MUC5AC: variants seen among roughly 807,000 people sequenced by gnomAD.
MUC5AC encodes mucin-5AC.
Under a neutral mutation model 169.7 loss-of-function variants are expected in MUC5AC, and 158 were observed. The observed-to-expected ratio is 0.93, with a 90% CI of 0.82 to 1.06. MUC5AC has a LOEUF of 1.06. MUC5AC is among the 50% of genes least tolerant of loss of function. The pLI is 0.00. For synonymous variants in MUC5AC, 1,975 were observed against 1,237.0 expected (o/e 1.60, Z -12.52); for missense variants, 4,359 against 3,089.9 (o/e 1.41, Z -9.74).
At chr11:1,194,716 G>GGGGGTGCCGGGCA (rs1373939508) in intron 35 of MUC5AC, 46 bp downstream of exon 35, 1 of 709,622 alleles carries the variant, frequency 1.4e-6, no homozygotes, top group Non-Finnish European at 2.6e-6. Flanking sequence ...TCGCGGGGGC[G>GGGGGTGCCGGGCA]GGGGTGCCGG....
chr11:1,177,448 A>G lies in MUC5AC; in HGVS notation c.2908-6A>G. 1 of 399,528 alleles carries G rather than the reference A, an allele frequency of 2.5e-6. No individual in the cohort carries two copies. The highest frequency in any genetic ancestry group is 3.6e-5 in the East Asian group (1 of 28,090). 24.7% of individuals were successfully genotyped at this position (399,528 alleles called of 1,614,324 possible). A position where few individuals can be genotyped will look rare whatever the true frequency, so the allele number is the denominator to read the frequency against. On this transcript the variant is annotated splice_region_variant and splice_polypyrimidine_tract_variant and intron_variant, in intron 23 of 48. Transcript: ENST00000621226. ...TGGGGGCCCTGAGTGACCCCTTGCC[A>G]TGCAGGGCTTCGAGCTGAAGCTAAG...
At position 1,191,553 on chromosome 11, in the gene MUC5AC, A is replaced by C. The variant is rs1861097311; in HGVS notation, c.13408A>C (p.Ile4470Leu). 9.3e-6 allele frequency: 6 copies of C among 645,028 alleles called. No individual in the cohort carries two copies. Among genetic ancestry groups the C allele is most frequent in the Non-Finnish European group, 1.7e-5 (6 of 353,120 alleles). The allele number at this position is 645,028 out of a possible 1,614,324, so 40.0% of individuals were successfully genotyped here. A position where few individuals can be genotyped will look rare whatever the true frequency, so the allele number is the denominator to read the frequency against. ...TACAACCAGCACAACCTCTGCTCCT[A>C]TAACCAGCATGACCTCTGGTCCTGG... ...LPTTSTTSAP[I>L]TSMTSGPGTT... The change falls in exon 31 of 49, where the codon ATA (isoleucine) becomes CTA (leucine). Residue 4470 changes from isoleucine (I) to leucine (L), a missense_variant. Transcript: ENST00000621226.
chr11:1,165,521 G>T, intron 10 of MUC5AC, 101 bp from the exon 11 acceptor site: 1 of 1,584,906 alleles, frequency 6.3e-7, no homozygotes, highest in East Asian at 2.3e-5. Flanking sequence ...GGGCTACGGT[G>T]TAGGCAGGCC....
chr11:1,178,772 G>A (rs1223545112), intron 25 of MUC5AC, 89 bp downstream of exon 25: 1 of 680,458 alleles, frequency 1.5e-6, no homozygotes, highest in Non-Finnish European at 2.1e-6. Flanking sequence ...TGGGGTCTGG[G>A]AGACAGCTGC....
At chr11:1,174,301 T>C (rs1860621534) in intron 16 of MUC5AC, among the ~76,000 whole-genome samples, 195 bp from the exon 17 acceptor site, 1 of 152,238 alleles carries the variant, frequency 6.6e-6, no homozygotes, top group Non-Finnish European at 1.5e-5. Flanking sequence ...CTCTGCACAG[T>C]GGTTCTGCTC....
At chr11:1,169,857 CCCAT>C (rs1860447988) in intron 15 of MUC5AC, among the ~76,000 whole-genome samples, 3 of 136,816 alleles carry the variant, frequency 2.2e-5, no homozygotes, top group Admixed American at 7.2e-5. Context: ...CACCGACTCA[CCCAT>C]TCACCCACTC....
Position 1,192,014 on chromosome 11 carries a change from C to T in MUC5AC, c.13869C>T (p.Val4623=), listed in dbSNP as rs778845687. ...CCAAGACAACCCACTCCCAACCAGT[C>T]ACCAGTGACTGTCATCCTCTGTGCG... The part of the protein sequence containing the change: ...SVSKTTHSQP[V]TSDCHPLCAW... Residue 4623 remains valine, a synonymous_variant, in exon 31 of 49, where the codon GTC becomes GTT. Transcript: ENST00000621226. 4 of 765,160 alleles carry T rather than the reference C, an allele frequency of 5.2e-6. No homozygotes were observed. Among genetic ancestry groups the T allele is most frequent in the Admixed American group, 3.4e-5 (2 of 59,038 alleles). The allele number at this position is 765,160 out of a possible 1,614,324, so 47.4% of individuals were successfully genotyped here.
At chr11:1,175,732 G>A (rs1860661350) in intron 19 of MUC5AC, among the ~76,000 whole-genome samples, 1 of 110,126 alleles carries the variant, frequency 9.1e-6, no homozygotes, top group South Asian at 3.4e-4. Flanking sequence ...ACCCACTCAT[G>A]CACACACACC....
Position 1,194,610 on chromosome 11 carries a change from C to T in MUC5AC, c.15130C>T (p.Leu5044Phe). 2.6e-6 allele frequency: 2 copies of T among 764,594 alleles called. No homozygotes were observed. The highest frequency in any genetic ancestry group is 1.3e-5 in the South Asian group (1 of 74,574). The allele number at this position is 764,594 out of a possible 1,614,324, so 47.4% of individuals were successfully genotyped here. A position where few individuals can be genotyped will look rare whatever the true frequency, so the allele number is the denominator to read the frequency against. ...GGGAGTCCAGGTCATGTTCTCCGGC[C>T]TCATCTTCTCCGTGGAGGTGCCCTT... ...ELGVQVMFSG[L>F]IFSVEVPFSK... The change falls in exon 35 of 49, where the codon CTC becomes TTC. Residue 5044 changes from leucine to phenylalanine, a missense_variant. By Grantham distance (22) the Leu-to-Phe change is conservative. Coordinates refer to ENST00000621226, the MANE Select transcript of MUC5AC (RefSeq NM_001304359.2).
intron 11 of MUC5AC, 69 bp downstream of exon 11, chr11:1,165,829 C>G: frequency 6.3e-7 from 1 of 1,595,934 alleles, no homozygotes; most frequent in Non-Finnish European, 8.5e-7. Flanking sequence ...ACAGGCTCCC[C>G]CAGCTTGGCT....
In MUC5AC at chr11:1,160,658, T is replaced by C. The variant is rs775867756; in HGVS notation, c.120T>C (p.Pro40=). The change falls in exon 2 of 49, where the codon CCT becomes CCC. Residue 40 remains proline, a synonymous_variant. Coordinates refer to ENST00000621226, the MANE Select transcript of MUC5AC (RefSeq NM_001304359.2). ...CCGAATCCAGCTACAAGCACCACCC[T>C]GCCCTCTCTCCTATCGCCCGGGGGC... The part of the protein sequence containing the change: ...GSSESSYKHH[P]ALSPIARGPS... The C allele has an allele frequency of 6.2e-7, 1 of 1,610,822 alleles. No individual in the cohort carries two copies. Among genetic ancestry groups the C allele is most frequent in the Admixed American group, 1.7e-5 (1 of 59,974 alleles).
At position 1,200,745 on chromosome 11, in the gene MUC5AC, A is replaced by G; in HGVS notation, c.*43A>G. 1 of 682,768 alleles carries G rather than the reference A, an allele frequency of 1.5e-6. No individual in the cohort carries two copies. Among genetic ancestry groups the G allele is most frequent in the Non-Finnish European group, 2.7e-6 (1 of 374,742 alleles). 42.3% of individuals were successfully genotyped at this position (682,768 alleles called of 1,614,324 possible). ...CTGACCTCCAAGGAGAACCTCCCAT[A>G]TGTCCTCTGAGCTCGGCTTCCAAGG... On this transcript the variant is annotated 3_prime_UTR_variant, in exon 49 of 49. Coordinates refer to ENST00000621226, the MANE Select transcript of MUC5AC (RefSeq NM_001304359.2).
Position 1,197,553 on chromosome 11 carries a change from C to A in MUC5AC, c.15947C>A (p.Pro5316Gln). The change falls in exon 41 of 49, where the codon CCG becomes CAG. Residue 5316 changes from proline to glutamine, a missense_variant. By Grantham distance (76) the Pro-to-Gln change is moderately conservative (BLOSUM62 -1). Transcript: ENST00000621226. ...WTLTCRPKLC[P>Q]LPPACPLPGF... ...CTGACCTGCCGACCCAAGCTCTGCC[C>A]GCTGCCCCCTGCCTGCCCCCTGCCC... 1.4e-6 allele frequency: 1 copy of A among 716,626 alleles called. No individual in the cohort carries two copies. 44.4% of individuals were successfully genotyped at this position (716,626 alleles called of 1,614,324 possible). A position where few individuals can be genotyped will look rare whatever the true frequency, so the allele number is the denominator to read the frequency against.
At position 1,189,601 on chromosome 11, in the gene MUC5AC, C is replaced by T. The variant is rs961655289; in HGVS notation, c.11456C>T (p.Pro3819Leu). 49 of 614,800 alleles carry T rather than the reference C, an allele frequency of 8.0e-5. No individual in the cohort carries two copies. The highest frequency in any genetic ancestry group is 4.8e-4 in the South Asian group (25 of 51,884). The allele number at this position is 614,800 out of a possible 1,614,324, so 38.1% of individuals were successfully genotyped here. A position where few individuals can be genotyped will look rare whatever the true frequency, so the allele number is the denominator to read the frequency against. Reference protein sequence around the residue: ...SSPTTSTTSTPQTSTTSSPTT... With the variant: ...SSPTTSTTSTLQTSTTSSPTT... ...CCTACAACCAGCACAACCTCCACTC[C>T]GCAGACCAGCACAACCTCTTCCCCT... The change falls in exon 31 of 49, where the codon CCG (proline) becomes CTG (leucine). Residue 3819 changes from proline to leucine, a missense_variant. Transcript: ENST00000621226.
intron 39 of MUC5AC, 50 bp from the exon 40 acceptor site, chr11:1,196,827 C>A: frequency 1.3e-6 from 1 of 755,082 alleles, no homozygotes; most frequent in Non-Finnish European, 2.4e-6. Flanking sequence ...TGCCTCTCGC[C>A]CCTATTGTGG....
At chr11:1,160,837 AC>A in intron 2 of MUC5AC, 148 bp downstream of exon 2, 1 of 767,442 alleles carries the variant, frequency 1.3e-6, no homozygotes, top group Non-Finnish European at 2.1e-6. Context: ...GGACACCCCC[AC>A]ATCCATGGCC....
At position 1,169,172 on chromosome 11, in the gene MUC5AC, A is replaced by G. The variant is rs540252701; in HGVS notation, c.1870+146A>G. On this transcript the variant is annotated intron_variant, in intron 15 of 48. Coordinates refer to ENST00000621226, the MANE Select transcript of MUC5AC (RefSeq NM_001304359.2). Reference sequence around the variant, plus strand: ...CACGAAGGGGCCCAAGGACAGGCTCATGGTGGGCGCCCAACCCAGCTTATG... The same window carrying G: ...CACGAAGGGGCCCAAGGACAGGCTCGTGGTGGGCGCCCAACCCAGCTTATG... 19 of 1,402,022 alleles carry G rather than the reference A, an allele frequency of 1.4e-5. 1 individual carries two copies. In the South Asian group the frequency reaches 2.3e-4, roughly 17 times the overall value. 86.8% of individuals were successfully genotyped at this position (1,402,022 alleles called of 1,614,324 possible).
chr11:1,186,016 C>G lies in MUC5AC; in HGVS notation c.7871C>G (p.Thr2624Ser). 1 of 729,486 alleles carries G rather than the reference C, an allele frequency of 1.4e-6. No homozygotes were observed. Among genetic ancestry groups the G allele is most frequent in the Non-Finnish European group, 2.5e-6 (1 of 399,474 alleles). The allele number at this position is 729,486 out of a possible 1,614,324, so 45.2% of individuals were successfully genotyped here. ...SAPISSTTSATTTSRISGPET... is the reference protein window; with the variant it reads ...SAPISSTTSASTTSRISGPET... ...CCTATAAGCAGCACAACCTCTGCCA[C>G]TACAACCAGCAGAATCTCTGGTCCT... Residue 2624 changes from threonine (T) to serine (S), a missense_variant, in exon 31 of 49, where the codon ACT becomes AGT. Coordinates refer to ENST00000621226, the MANE Select transcript of MUC5AC (RefSeq NM_001304359.2).
At chr11:1,193,089 G>T in intron 32 of MUC5AC, 107 bp downstream of exon 32, 1 of 596,888 alleles carries the variant, frequency 1.7e-6, no homozygotes, top group Non-Finnish European at 3.0e-6. Flanking sequence ...GGTCACTGGC[G>T]CTAGTGGAGG....
Sources: allele counts gnomAD v4.1 joint callset (sites outside exome capture counted in the v4.1 genomes callset), GRCh38; gene constraint gnomAD v4.1.1; transcripts MANE v1.5; gene names NCBI Gene and HGNC (gene_info 2026-07-23, HGNC 2026-07-21).